MYBPC1: variants seen among roughly 807,000 people sequenced by gnomAD.
MYBPC1 encodes myosin-binding protein C, slow-type.
MYBPC1 carries 52 observed loss-of-function variants against 147.1 expected under a neutral mutation model. The observed-to-expected ratio is 0.35, with a 90% CI of 0.28 to 0.45. The LOEUF is 0.45. Among genes scored for constraint, MYBPC1 ranks in the 20% least tolerant of loss-of-function variants. MYBPC1 has a pLI of 1.00. For synonymous variants in MYBPC1, 477 were observed against 475.9 expected (o/e 1.00, Z -0.03); for missense variants, 1,228 against 1,440.3 (o/e 0.85, Z 2.39).
intron 18 of MYBPC1, among the ~76,000 whole-genome samples, chr12:101,657,813 A>G (rs1023913625): frequency 1.3e-5 from 2 of 152,208 alleles, no homozygotes; most frequent in Non-Finnish European, 2.9e-5. Flanking sequence ...TCCTAATTCA[A>G]TCTATGAGGT....
At position 101,670,521 on chromosome 12, in the gene MYBPC1, G is replaced by C. The variant is rs1464547798; in HGVS notation, c.2613+112G>C. On this transcript the variant is annotated intron_variant, in intron 24 of 31. Transcript: ENST00000361466. ...TCATGATTCAGGATTTCCTCAGAGGGAGAGGAGGTAAATAAAGAATGAAAG... is the reference window on the plus strand; with the variant it reads ...TCATGATTCAGGATTTCCTCAGAGGCAGAGGAGGTAAATAAAGAATGAAAG... 5.5e-6 allele frequency: 5 copies of C among 911,202 alleles called. No individual in the cohort carries two copies. In the South Asian group the frequency reaches 6.6e-5, roughly 12 times the overall value. 56.4% of individuals were successfully genotyped at this position (911,202 alleles called of 1,614,324 possible). A position where few individuals can be genotyped will look rare whatever the true frequency, so the allele number is the denominator to read the frequency against.
chr12:101,681,573 T>TATATAC (rs1950961486), intron 29 of MYBPC1, among the ~76,000 whole-genome samples: 1 of 24,324 alleles, frequency 4.1e-5, no homozygotes, highest in African/African-American at 2.0e-4. Flanking sequence ...TATATATATA[T>TATATAC]ATATATATAT....
chr12:101,606,466 A>ATTTTTTT (rs34796532), intron 1 of MYBPC1, among the ~76,000 whole-genome samples: 36 of 141,286 alleles, frequency 2.5e-4, no homozygotes, highest in African/African-American at 8.7e-4. Flanking sequence ...TCAATTTAGT[A>ATTTTTTT]TTTTTTTTTT....
chr12:101,619,059 G>T (rs758488518), intron 3 of MYBPC1, among the ~76,000 whole-genome samples: 1 of 152,080 alleles, frequency 6.6e-6, no homozygotes. Context: ...CAAGGACAGA[G>T]AAAATACCTA....
At chr12:101,660,168 C>T (rs1406076652) in intron 19 of MYBPC1, 1 of 373,114 alleles carries the variant, frequency 2.7e-6, no homozygotes, top group Non-Finnish European at 5.2e-6. Context: ...TTTTCCTAAG[C>T]CCAAAGCTGA....
chr12:101,613,389 A>G (rs1396183060), intron 1 of MYBPC1, among the ~76,000 whole-genome samples: 1 of 152,224 alleles, frequency 6.6e-6, no homozygotes, highest in Non-Finnish European at 1.5e-5. Flanking sequence ...TATGCTGACA[A>G]AGGCTCCCAG....
intron 19 of MYBPC1, 116 bp downstream of exon 19, chr12:101,659,947 C>CTT: frequency 3.1e-6 from 4 of 1,288,188 alleles, no homozygotes; most frequent in Non-Finnish European, 3.3e-6. Context: ...CCCTTATCTT[C>CTT]TTTTTTTTTC....
chr12:101,629,887 T>A (rs1336680904), intron 6 of MYBPC1, among the ~76,000 whole-genome samples: 5 of 151,718 alleles, frequency 3.3e-5, no homozygotes, highest in Admixed American at 2.0e-4. Flanking sequence ...AAAAAAAAAA[T>A]TTTGAGGTGA....
chr12:101,660,415 A>T (rs1409368784), intron 19 of MYBPC1: 1 of 169,128 alleles, frequency 5.9e-6, no homozygotes, highest in Admixed American at 5.4e-5. Context: ...TTCACTTTGT[A>T]GTTAAAAACA....
intron 2 of MYBPC1, 75 bp from the exon 3 acceptor site, chr12:101,617,126 CT>C: frequency 2.9e-6 from 4 of 1,387,298 alleles, no homozygotes; most frequent in Non-Finnish European, 4.1e-6. Flanking sequence ...TTCCCTCCCC[CT>C]CTCCACCCCG....
intron 24 of MYBPC1, among the ~76,000 whole-genome samples, chr12:101,672,058 G>A (rs1002406361): frequency 1.3e-5 from 2 of 152,136 alleles, no homozygotes; most frequent in African/African-American, 2.4e-5. Context: ...TCCATGGCCC[G>A]GTCACTTAAT....
chr12:101,602,102 C>T (rs1014767888), intron 1 of MYBPC1, among the ~76,000 whole-genome samples: 8 of 152,194 alleles, frequency 5.3e-5, no homozygotes, highest in African/African-American at 1.4e-4. Flanking sequence ...GACTGAATTA[C>T]TTACACTTTG....
chr12:101,686,334 G>T (rs1951346542), downstream of MYBPC1, among the ~76,000 whole-genome samples: 1 of 152,144 alleles, frequency 6.6e-6, no homozygotes, highest in Non-Finnish European at 1.5e-5. Context: ...CCTGAACCCA[G>T]GTCTGCCCTC....
At chr12:101,675,736 G>T (rs1899818485) in intron 26 of MYBPC1, among the ~76,000 whole-genome samples, 1 of 152,170 alleles carries the variant, frequency 6.6e-6, no homozygotes, top group Admixed American at 6.5e-5. Context: ...AAGCTAAAAT[G>T]ATATAAAGCA....
chr12:101,694,584 C>T, the MYBPC1 span, among the ~76,000 whole-genome samples: 1 of 152,200 alleles, frequency 6.6e-6, no homozygotes, highest in Non-Finnish European at 1.5e-5. Flanking sequence ...CTCTGTCTGT[C>T]ATGTGAAGAC....
intron 18 of MYBPC1, among the ~76,000 whole-genome samples, chr12:101,653,964 G>C (rs1895061089): frequency 6.6e-6 from 1 of 152,190 alleles, no homozygotes; most frequent in African/African-American, 2.4e-5. Context: ...AGCACTTTGG[G>C]AGCTGGGGCA....
At chr12:101,657,378 T>C (rs1205988811) in intron 18 of MYBPC1, among the ~76,000 whole-genome samples, 1 of 152,044 alleles carries the variant, frequency 6.6e-6, no homozygotes, top group African/African-American at 2.4e-5. Flanking sequence ...ATAAATGAAA[T>C]TGAAAACTGG....
intron 13 of MYBPC1, among the ~76,000 whole-genome samples, chr12:101,647,785 G>A (rs1225576389): frequency 6.6e-6 from 1 of 152,172 alleles, no homozygotes; most frequent in African/African-American, 2.4e-5. Flanking sequence ...TACTCAGGAG[G>A]CTGAGGCAGG....
rs1894814536 is a variant in MYBPC1, at chr12:101,653,011, A to G, written c.1634-104A>G. Reference sequence around the variant, plus strand: ...CTTGACTCCTCTTATATTCTTTTTGATTAGATAAAATATTGGTTACTACCA... The same window carrying G: ...CTTGACTCCTCTTATATTCTTTTTGGTTAGATAAAATATTGGTTACTACCA... On this transcript the variant is annotated intron_variant, in intron 17 of 31. Transcript: ENST00000361466. 6.9e-6 allele frequency: 10 copies of G among 1,440,282 alleles called. No individual in the cohort carries two copies. In the East Asian group the frequency reaches 7.1e-5, roughly 10 times the overall value. 89.2% of individuals were successfully genotyped at this position (1,440,282 alleles called of 1,614,324 possible).
Sources: allele counts gnomAD v4.1 joint callset (sites outside exome capture counted in the v4.1 genomes callset), GRCh38; gene constraint gnomAD v4.1.1; transcripts MANE v1.5; gene names NCBI Gene and HGNC (gene_info 2026-07-23, HGNC 2026-07-21).